Variants in DENND5A observed in about 807,000 individuals in gnomAD.
DENND5A encodes the protein DENN domain containing 5A, also known as DENN domain-containing protein 5A.
In DENND5A, 64 loss-of-function variants were observed where a neutral mutation model predicts 140.3. That is an observed-to-expected ratio of 0.46 (90% CI 0.37 to 0.56). The LOEUF (loss-of-function observed/expected upper bound fraction) is 0.56, where lower values mean the gene tolerates loss of function less well. Among genes scored for constraint, DENND5A ranks in the 20% least tolerant of loss-of-function variants. The pLI is 0.00. For missense variants in DENND5A, 1,292 were observed against 1,593.8 expected (o/e 0.81, Z 3.22); for synonymous variants, 605 against 607.7 (o/e 1.00, Z 0.07).
rs560913544 is a variant in DENND5A, at chr11:9,174,606, G to T, written c.1906+3526C>A. On this transcript the variant is annotated intron_variant, in intron 8 of 22. Transcript: ENST00000328194. Reference sequence around the variant, plus strand: ...TCCTAGCTACTTGAGAAGCTAAGACGAGAGGATCCCTTCAGCCCACTAGTT... The same window carrying T: ...TCCTAGCTACTTGAGAAGCTAAGACTAGAGGATCCCTTCAGCCCACTAGTT... Among the ~76,000 whole-genome samples the T allele has an allele frequency of 8.0e-5, 12 of 150,448 alleles. No individual in the cohort carries two copies. In the East Asian group the frequency reaches 2.1e-3, roughly 27 times the overall value.
At chr11:9,159,307 A>C (rs1847902966) in intron 12 of DENND5A, among the ~76,000 whole-genome samples, 1 of 150,826 alleles carries the variant, frequency 6.6e-6, no homozygotes, top group African/African-American at 2.4e-5. Context: ...TAATGCTGCT[A>C]TGAACTTTTT....
intron 5 of DENND5A, among the ~76,000 whole-genome samples, chr11:9,185,617 G>A (rs1433387670): frequency 2.6e-5 from 4 of 152,200 alleles, no homozygotes; most frequent in Non-Finnish European, 5.9e-5. Flanking sequence ...CATGGCACAT[G>A]TATACCTATG....
chr11:9,142,548 C>G (rs7395168), intron 21 of DENND5A, among the ~76,000 whole-genome samples, 174 bp downstream of exon 21: 11,917 of 152,170 alleles, frequency 0.078, 516 homozygotes, highest in South Asian at 0.11. Context: ...TTACCAAGGA[C>G]GGGGAGGAGA....
At chr11:9,196,305 A>G (rs575469202) in intron 4 of DENND5A, among the ~76,000 whole-genome samples, 16 of 152,146 alleles carry the variant, frequency 1.1e-4, no homozygotes, top group Non-Finnish European at 2.2e-4. Flanking sequence ...GAATCACTCT[A>G]TAAATAAGCC....
At chr11:9,239,230 C>T (rs749668006) in intron 1 of DENND5A, among the ~76,000 whole-genome samples, 9 of 151,932 alleles carry the variant, frequency 5.9e-5, no homozygotes, top group Non-Finnish European at 8.8e-5. Flanking sequence ...AGGAGCCTCA[C>T]AACGTTGCCC....
chr11:9,191,625 G>T (rs1467829474), intron 5 of DENND5A, among the ~76,000 whole-genome samples: 5 of 152,162 alleles, frequency 3.3e-5, no homozygotes, highest in African/African-American at 1.2e-4. Context: ...CCTTTGTATA[G>T]CCGTATACAT....
chr11:9,176,420 C>T (rs1295052886), intron 8 of DENND5A, among the ~76,000 whole-genome samples: 1 of 152,182 alleles, frequency 6.6e-6, no homozygotes, highest in African/African-American at 2.4e-5. Flanking sequence ...GAACACACTA[C>T]TTAATCTAGT....
intron 8 of DENND5A, among the ~76,000 whole-genome samples, chr11:9,174,102 C>CGAAA (rs1848467055): frequency 2.4e-5 from 1 of 42,148 alleles, no homozygotes; most frequent in East Asian, 1.5e-3. Context: ...GACTCCGTCT[C>CGAAA]AAAAAAAAAA....
chr11:9,154,630 T>C (rs1847743366), intron 12 of DENND5A, among the ~76,000 whole-genome samples: 1 of 151,878 alleles, frequency 6.6e-6, no homozygotes, highest in African/African-American at 2.4e-5. Flanking sequence ...ACAAAATTCA[T>C]AAACTTAAAA....
Position 9,178,263 on chromosome 11 carries a change from T to G in DENND5A, c.1775A>C (p.His592Pro). 1.9e-6 allele frequency: 3 copies of G among 1,613,820 alleles called. No individual in the cohort carries two copies. The highest frequency in any genetic ancestry group is 8.5e-7 in the Non-Finnish European group (1 of 1,179,722). The change falls in exon 8 of 23, where the codon CAT (histidine) becomes CCT (proline). Residue 592 changes from histidine to proline, a missense_variant. This residue lies in a region of DENND5A where 199 missense variants were observed against 189.1 expected (regional missense o/e 1.05). Coordinates refer to ENST00000328194, the MANE Select transcript of DENND5A (RefSeq NM_015213.4). ...TACAGGGTCTTTATCATCATCATCA[T>G]GACACATTATTTTGTTGTCAATGAA... ...ASFIDNKIMC[H>P]DDDDKDPVLR...
chr11:9,152,447 A>G lies in DENND5A; in HGVS notation c.2437-5T>C. 1 of 1,605,614 alleles carries G rather than the reference A, an allele frequency of 6.2e-7. No homozygotes were observed. The highest frequency in any genetic ancestry group is 8.5e-7 in the Non-Finnish European group (1 of 1,172,212). ...GGACCATAAGGCTGATTTCCCCTGG[A>G]ACCAATGCAAGGGAGAAACACCTAT... On this transcript the variant is annotated splice_polypyrimidine_tract_variant and splice_region_variant and intron_variant, in intron 12 of 22. Coordinates refer to ENST00000328194, the MANE Select transcript of DENND5A (RefSeq NM_015213.4).
intron 1 of DENND5A, among the ~76,000 whole-genome samples, chr11:9,211,027 CAAG>C (rs1849859680): frequency 1.3e-5 from 2 of 152,222 alleles, no homozygotes; most frequent in South Asian, 4.1e-4. Context: ...AATTAAAAAG[CAAG>C]AAGATTCTCA....
Position 9,193,657 on chromosome 11 carries a change from G to A in DENND5A, c.974C>T (p.Ala325Val), listed in dbSNP as rs760981468. ...AAACATGAGAGCTGTAATCGTCTCC[G>A]CCACAGTCATCAGTCTCTGGTAATC... Reference protein sequence around the residue: ...SQHYQRLMTVAETITALMFPF... With the variant: ...SQHYQRLMTVVETITALMFPF... Residue 325 changes from alanine (A) to valine (V), a missense_variant, in exon 5 of 23, where the codon GCG (alanine) becomes GTG (valine). Physicochemically the swap from Ala to Val is moderately conservative, Grantham distance 64. This residue lies in a region of DENND5A where 566 missense variants were observed against 650.4 expected (regional missense o/e 0.87). Coordinates refer to ENST00000328194, the MANE Select transcript of DENND5A (RefSeq NM_015213.4). 4 of 1,612,922 alleles carry A rather than the reference G, an allele frequency of 2.5e-6. No individual in the cohort carries two copies. The highest frequency in any genetic ancestry group is 1.1e-5 in the South Asian group (1 of 90,896).
At chr11:9,232,304 CAAG>C (rs1249234547) in intron 1 of DENND5A, among the ~76,000 whole-genome samples, 2 of 151,446 alleles carry the variant, frequency 1.3e-5, no homozygotes, top group African/African-American at 4.9e-5. Flanking sequence ...GCACAGATTA[CAAG>C]AATATATTTG....
Position 9,170,635 on chromosome 11 carries a change from G to T in DENND5A, c.2049C>A (p.Ala683=). ...CCCTGGGGTTGACTCACTTGTTGCTGGCTGGCCCAGTGGAAAGTACATCAG... is the reference window on the plus strand; with the variant it reads ...CCCTGGGGTTGACTCACTTGTTGCTTGCTGGCCCAGTGGAAAGTACATCAG... ...LQSDVLSTGP[A]SNKWTKRNAP... Residue 683 remains alanine (A), a synonymous_variant, in exon 9 of 23, where the codon GCC becomes GCA. Transcript: ENST00000328194. 2 of 1,613,808 alleles carry T rather than the reference G, an allele frequency of 1.2e-6. No homozygotes were observed. Among genetic ancestry groups the T allele is most frequent in the East Asian group, 2.2e-5 (1 of 44,880 alleles).
In DENND5A at chr11:9,265,035, G is replaced by A. The variant is rs745845649; in HGVS notation, c.35C>T (p.Pro12Leu). 2 of 1,565,218 alleles carry A rather than the reference G, an allele frequency of 1.3e-6. No homozygotes were observed. The highest frequency in any genetic ancestry group is 2.3e-5 in the South Asian group (2 of 86,060). Residue 12 changes from proline (P) to leucine (L), a missense_variant, in exon 1 of 23, where the codon CCC (proline) becomes CTC (leucine). Around this residue, in one of 4 missense-constraint regions of DENND5A, gnomAD observed 566 missense variants for 650.4 expected, o/e 0.87. Coordinates refer to ENST00000328194, the MANE Select transcript of DENND5A (RefSeq NM_015213.4). The surrounding 1 kb of genome is among the most constrained non-coding windows in gnomAD (Gnocchi z 4.7). ...GACAAAGTAGTCGGCGAAGCGACTG[G>A]GCGCCGAGCCCCCTCCGCCGCCGCC... ...SGGGGGGGSA[P>L]SRFADYFVIC...
intron 1 of DENND5A, among the ~76,000 whole-genome samples, chr11:9,230,526 C>T (rs11042227): frequency 0.28 from 42,900 of 151,932 alleles, 6,722 homozygotes; most frequent in South Asian, 0.49. Context: ...CAAGTGTGAG[C>T]CACACCCAGC....
intron 8 of DENND5A, among the ~76,000 whole-genome samples, chr11:9,172,926 G>A (rs372255410): frequency 1.3e-5 from 2 of 151,674 alleles, no homozygotes; most frequent in South Asian, 4.2e-4. Flanking sequence ...AGCAATTCTT[G>A]TGCCTCAGCC....
chr11:9,173,012 A>T (rs1848424721), intron 8 of DENND5A, among the ~76,000 whole-genome samples: 1 of 151,060 alleles, frequency 6.6e-6, no homozygotes, highest in East Asian at 1.9e-4. Flanking sequence ...GTTTAGTAGC[A>T]ACGGGGTTTC....
Sources: allele counts gnomAD v4.1 joint callset (sites outside exome capture counted in the v4.1 genomes callset), GRCh38; gene constraint gnomAD v4.1.1; regional missense constraint gnomAD v4.1.1; non-coding constraint Gnocchi (gnomAD v3.1); transcripts MANE v1.5; gene names NCBI Gene and HGNC (gene_info 2026-07-23, HGNC 2026-07-21).